Variants in SERPINA3 observed in about 807,000 individuals in gnomAD.
The protein encoded by SERPINA3 is serpin family A member 3.
SERPINA3 carries 32 observed loss-of-function variants against 26.8 expected under a neutral mutation model. That is an observed-to-expected ratio of 1.20 (90% confidence interval 0.90 to 1.61). The LOEUF is 1.61. Among genes scored for constraint, SERPINA3 ranks in the 40% most tolerant of loss-of-function variants. The probability of loss-of-function intolerance (pLI) is 0.00; values close to 1 mark genes in which losing one functional copy is unlikely to be tolerated. For missense variants in SERPINA3, 632 were observed against 517.9 expected (o/e 1.22, Z -2.14); for synonymous variants, 252 against 206.4 (o/e 1.22, Z -1.89).
At chr14:94,618,179 C>T (rs1886069006) in intron 2 of SERPINA3, 1 of 152,168 alleles carries the variant, frequency 6.6e-6, no homozygotes, top group South Asian at 2.1e-4. Context: ...GAGAAGTCTG[C>T]TGTCATTTTC....
At chr14:94,618,891 T>C (rs1886092125) in intron 2 of SERPINA3, 1 of 502,224 alleles carries the variant, frequency 2.0e-6, no homozygotes, top group East Asian at 3.7e-5. Context: ...CCACATGTTG[T>C]CATGCCTCTT....
chr14:94,620,897 G>A (rs1595098589), intron 3 of SERPINA3, among the ~76,000 whole-genome samples: 1 of 152,174 alleles, frequency 6.6e-6, no homozygotes, highest in African/African-American at 2.4e-5. Context: ...GGTTCAGACC[G>A]TGGTGGCTGG....
At chr14:94,613,004 C>G (rs2139950877) in intron 1 of SERPINA3, among the ~76,000 whole-genome samples, 1 of 152,332 alleles carries the variant, frequency 6.6e-6, no homozygotes, top group South Asian at 2.1e-4. Flanking sequence ...CTTGCCCAAA[C>G]AGAAAAGACA....
intron 1 of SERPINA3, 165 bp from the exon 2 acceptor site, chr14:94,614,267 CAG>C (rs1885892102): frequency 1.5e-6 from 1 of 649,186 alleles, no homozygotes; most frequent in African/African-American, 1.8e-5. Flanking sequence ...TGAAATGAAG[CAG>C]AGTGATGTGT....
intron 3 of SERPINA3, among the ~76,000 whole-genome samples, chr14:94,620,215 G>A (rs1886150595): frequency 6.6e-6 from 1 of 152,142 alleles, no homozygotes; most frequent in African/African-American, 2.4e-5. Flanking sequence ...GTATATTAGG[G>A]AAAAGCATTC....
At chr14:94,616,204 C>T (rs1469707527) in intron 2 of SERPINA3, among the ~76,000 whole-genome samples, 19 of 152,214 alleles carry the variant, frequency 1.2e-4, no homozygotes, top group African/African-American at 2.4e-5. Context: ...CCCCTCCCCA[C>T]CTGCCTCTAA....
Position 94,612,424 on chromosome 14 carries a change from G to A in SERPINA3, c.-32G>A, listed in dbSNP as rs1885814837. Reference sequence around the variant, plus strand: ...AGACAGACGGCTTTGGAATCCACCAGCTACATCCAGCTCCCTGAGGCAGGT... The same window carrying A: ...AGACAGACGGCTTTGGAATCCACCAACTACATCCAGCTCCCTGAGGCAGGT... On this transcript the variant is annotated 5_prime_UTR_variant, in exon 1 of 5. Transcript: ENST00000393078. 7.3e-7 allele frequency: 1 copy of A among 1,365,594 alleles called. No individual in the cohort carries two copies. The highest frequency in any genetic ancestry group is 9.8e-7 in the Non-Finnish European group (1 of 1,021,264). The allele number at this position is 1,365,594 out of a possible 1,614,324, so 84.6% of individuals were successfully genotyped here.
At chr14:94,617,034 G>A (rs1431108576) in intron 2 of SERPINA3, among the ~76,000 whole-genome samples, 1 of 152,130 alleles carries the variant, frequency 6.6e-6, no homozygotes, top group Non-Finnish European at 1.5e-5. Context: ...GGTCCCCAGA[G>A]GCAGCCCATC....
rs935055768 is a variant in SERPINA3, at chr14:94,623,843, G to A, written c.*29G>A. On this transcript the variant is annotated 3_prime_UTR_variant, in exon 5 of 5. Coordinates refer to ENST00000393078, the MANE Select transcript of SERPINA3 (RefSeq NM_001085.5). ...TTGCCATCAAGCAGTGGGGCTCTCA[G>A]TAAGGAACTTGGAATGCAAGCTGGA... 1 of 1,601,564 alleles carries A rather than the reference G, an allele frequency of 6.2e-7. No homozygotes were observed. Among genetic ancestry groups the A allele is most frequent in the Non-Finnish European group, 8.6e-7 (1 of 1,169,516 alleles).
intron 3 of SERPINA3, among the ~76,000 whole-genome samples, chr14:94,620,247 G>A (rs538643739): frequency 6.6e-6 from 1 of 152,292 alleles, no homozygotes; most frequent in African/African-American, 2.4e-5. Flanking sequence ...AACAGTCAGT[G>A]CAAGGCCTCT....
chr14:94,621,655 G>A (rs773276890), intron 3 of SERPINA3, among the ~76,000 whole-genome samples: 19 of 152,100 alleles, frequency 1.2e-4, no homozygotes, highest in Non-Finnish European at 2.5e-4. Flanking sequence ...AGTGCCCACT[G>A]GTGAGGCAAG....
chr14:94,622,062 A>G (rs987378687), intron 3 of SERPINA3, among the ~76,000 whole-genome samples: 2 of 152,216 alleles, frequency 1.3e-5, no homozygotes, highest in Admixed American at 1.3e-4. Context: ...CTTCAACTGC[A>G]TTGCAAGCTG....
At chr14:94,621,457 C>T (rs572392127) in intron 3 of SERPINA3, among the ~76,000 whole-genome samples, 65 of 152,236 alleles carry the variant, frequency 4.3e-4, no homozygotes, top group African/African-American at 1.6e-3. Flanking sequence ...ACACCTTCCT[C>T]CTTCAGGGGA....
intron 1 of SERPINA3, 48 bp from the exon 2 acceptor site, chr14:94,614,386 C>T (rs150924732): frequency 6.3e-6 from 10 of 1,582,950 alleles, no homozygotes; most frequent in East Asian, 4.5e-5. Flanking sequence ...GGGAGGTGGT[C>T]GGGGCTCCAT....
chr14:94,622,938 T>C (rs1386492074), intron 4 of SERPINA3, among the ~76,000 whole-genome samples: 1 of 152,182 alleles, frequency 6.6e-6, no homozygotes, highest in Non-Finnish European at 1.5e-5. Flanking sequence ...GAAGACTACT[T>C]GGGACACTCA....
intron 2 of SERPINA3, 126 bp from the exon 3 acceptor site, chr14:94,619,069 A>T: frequency 1.9e-6 from 2 of 1,057,610 alleles, no homozygotes; most frequent in African/African-American, 1.6e-5. Flanking sequence ...TTGCCAAGCT[A>T]CTTCTCTAAA....
chr14:94,619,371 G>T lies in SERPINA3; in HGVS notation c.820G>T (p.Ala274Ser). 1.2e-6 allele frequency: 2 copies of T among 1,614,128 alleles called. No individual in the cohort carries two copies. Among genetic ancestry groups the T allele is most frequent in the Non-Finnish European group, 1.7e-6 (2 of 1,180,004 alleles). Residue 274 changes from alanine to serine, a missense_variant, in exon 3 of 5, where the codon GCA becomes TCA. Transcript: ENST00000393078. Reference protein sequence around the residue: ...VELKYTGNASALFILPDQDKM... With the variant: ...VELKYTGNASSLFILPDQDKM... ...GCTGAAGTACACAGGCAATGCCAGCGCACTCTTCATCCTCCCTGATCAAGA... is the reference window on the plus strand; with the variant it reads ...GCTGAAGTACACAGGCAATGCCAGCTCACTCTTCATCCTCCCTGATCAAGA...
At chr14:94,623,138 T>C (rs1228939726) in intron 4 of SERPINA3, among the ~76,000 whole-genome samples, 2 of 152,214 alleles carry the variant, frequency 1.3e-5, no homozygotes, top group East Asian at 3.9e-4. Flanking sequence ...TGAAAAGTAC[T>C]TGAAAGCCCC....
At chr14:94,615,230 C>A in intron 2 of SERPINA3, 146 bp downstream of exon 2, 1 of 899,142 alleles carries the variant, frequency 1.1e-6, no homozygotes, top group Non-Finnish European at 1.8e-6. Context: ...CCCACCCTGC[C>A]CATAGGCATC....
Sources: allele counts gnomAD v4.1 joint callset (sites outside exome capture counted in the v4.1 genomes callset), GRCh38; gene constraint gnomAD v4.1.1; transcripts MANE v1.5; gene names NCBI Gene and HGNC (gene_info 2026-07-23, HGNC 2026-07-21).